Variants in CIC observed in about 807,000 individuals in gnomAD.
CIC encodes the protein capicua transcriptional repressor.
In CIC, 18 loss-of-function variants were observed where a neutral mutation model predicts 115.7. That is an observed-to-expected ratio of 0.16 (90% CI 0.11 to 0.23). The LOEUF is 0.23. Among genes scored for constraint, CIC ranks in the 10% least tolerant of loss-of-function variants. The probability of loss-of-function intolerance (pLI) is 1.00; values close to 1 mark genes in which losing one functional copy is unlikely to be tolerated. For synonymous variants in CIC, 1,076 were observed against 923.0 expected, an observed-to-expected ratio of 1.17 and a Z score of -3.01; for missense variants, 2,000 against 2,159.3, an observed-to-expected ratio of 0.93 and a Z score of 1.46.
At chr19:42,271,689 C>T in intron 1 of CIC, 85 bp from the exon 2 acceptor site, 1 of 397,962 alleles carries the variant, frequency 2.5e-6, no homozygotes, top group Non-Finnish European at 4.4e-6. Flanking sequence ...ACAGTAGACT[C>T]AGCAAGTGGG....
chr19:42,289,530 A>G, intron 9 of CIC, 124 bp downstream of exon 9: 1 of 1,139,900 alleles, frequency 8.8e-7, no homozygotes, highest in Non-Finnish European at 1.3e-6. Context: ...TTATGGTTGC[A>G]TGTGGCCAGT....
intron 9 of CIC, among the ~76,000 whole-genome samples, 158 bp downstream of exon 9, chr19:42,289,564 G>C (rs1378675360): frequency 6.6e-6 from 1 of 152,214 alleles, no homozygotes; most frequent in East Asian, 1.9e-4. Context: ...AGTAAATCCA[G>C]CCCTGCCCTC....
chr19:42,284,731 G>T (rs918165496), intron 2 of CIC: 15 of 1,556,584 alleles, frequency 9.6e-6, no homozygotes, highest in Admixed American at 5.6e-5. Context: ...GGCCCCTGAT[G>T]CCCGCGTCCA....
At chr19:42,285,456 C>T (rs1335069638) in intron 2 of CIC, among the ~76,000 whole-genome samples, 3 of 152,178 alleles carry the variant, frequency 2.0e-5, no homozygotes, top group African/African-American at 7.2e-5. Context: ...CTTGAGTGCT[C>T]TTCAGTGCTG....
chr19:42,290,797 C>T lies in CIC; in HGVS notation c.4756C>T (p.Arg1586Trp), dbSNP rs1194868007. ...CGCCACCATGGTCACCAATGTGGTG[C>T]GGCCTGTCAGCAGCACTCCTGTGCC... ...PAATMVTNVV[R>W]PVSSTPVPIA... is the part of the protein sequence containing the mutation. The change falls in exon 11 of 21, where the codon CGG becomes TGG. Residue 1586 changes from arginine (R) to tryptophan (W), a missense_variant. Physicochemically the swap from Arg to Trp is moderately radical, Grantham distance 101. This residue lies in a region of CIC where 1,466 missense variants were observed against 1,390.4 expected (regional missense o/e 1.05). Coordinates refer to ENST00000681038, the MANE Select transcript of CIC (RefSeq NM_001386298.1). The T allele has an allele frequency of 2.5e-6, 4 of 1,609,742 alleles. No homozygotes were observed. The highest frequency in any genetic ancestry group is 3.4e-6 in the Non-Finnish European group (4 of 1,178,370).
chr19:42,280,665 C>T lies in CIC; in HGVS notation c.2794+6088C>T, dbSNP rs924972195. ...GCGGCCCGCGTGGGTGTCAGGCCGG[C>T]CGGGCACCCGTCCGCCCTCCCTGCA... On this transcript the variant is annotated intron_variant, in intron 2 of 20. Coordinates refer to ENST00000681038, the MANE Select transcript of CIC (RefSeq NM_001386298.1). This position sits in a 1 kb window ranked among gnomAD's most constrained non-coding sequence, Gnocchi z 4.9. Among the ~76,000 whole-genome samples the T allele has an allele frequency of 6.6e-6, 1 of 152,124 alleles. No homozygotes were observed. The highest frequency in any genetic ancestry group is 2.4e-5 in the African/African-American group (1 of 41,434).
chr19:42,273,973 A>C lies in CIC; in HGVS notation c.2190A>C (p.Ala730=). Residue 730 remains alanine (A), a synonymous_variant, in exon 2 of 21, where the codon GCA becomes GCC. Coordinates refer to ENST00000681038, the MANE Select transcript of CIC (RefSeq NM_001386298.1). ...CAGGGGCCTTGGGGGCCCCTGGCGCAGGGGGTGGAGGAGCCGCCCCAGACT... is the reference window on the plus strand; with the variant it reads ...CAGGGGCCTTGGGGGCCCCTGGCGCCGGGGGTGGAGGAGCCGCCCCAGACT... ...PHPGALGAPG[A]GGGGAAPDFP... is the part of the protein sequence containing the mutation. 5.0e-6 allele frequency: 2 copies of C among 398,802 alleles called. No individual in the cohort carries two copies. The highest frequency in any genetic ancestry group is 7.1e-5 in the East Asian group (2 of 28,050). 24.7% of individuals were successfully genotyped at this position (398,802 alleles called of 1,614,324 possible). A position where few individuals can be genotyped will look rare whatever the true frequency, so the allele number is the denominator to read the frequency against.
At position 42,292,606 on chromosome 19, in the gene CIC, G is replaced by T; in HGVS notation, c.5943G>T (p.Val1981=). The T allele has an allele frequency of 6.2e-7, 1 of 1,613,414 alleles. No homozygotes were observed. Among genetic ancestry groups the T allele is most frequent in the African/African-American group, 1.3e-5 (1 of 75,032 alleles). ...APLLAPGQVG[V]SPVPSPQLPP... ...TGCTGGCTCCCGGTCAGGTGGGCGT[G>T]TCACCTGTGCCCAGTCCCCAGCTGC... is the stretch of plus-strand genomic sequence containing the variant. Residue 1981 remains valine, a synonymous_variant, in exon 15 of 21, where the codon GTG becomes GTT. Coordinates refer to ENST00000681038, the MANE Select transcript of CIC (RefSeq NM_001386298.1).
Position 42,294,270 on chromosome 19 carries a change from G to A in CIC, c.7020G>A (p.Lys2340=), listed in dbSNP as rs1334398473. 10 of 1,613,552 alleles carry A rather than the reference G, an allele frequency of 6.2e-6. No individual in the cohort carries two copies. Among genetic ancestry groups the A allele is most frequent in the Non-Finnish European group, 8.5e-6 (10 of 1,180,056 alleles). ...SSEPNTPKSA[K]CEGDIFTFDR... ...AGCCCAACACCCCCAAGAGTGCCAA[G>A]TGCGAGGGGGACATCTTCACCTTTG... Residue 2340 remains lysine, a synonymous_variant, in exon 19 of 21, where the codon AAG becomes AAA. Coordinates refer to ENST00000681038, the MANE Select transcript of CIC (RefSeq NM_001386298.1).
chr19:42,292,565 G>A lies in CIC; in HGVS notation c.5903-1G>A, dbSNP rs2147305513. The A allele has an allele frequency of 6.2e-7, 1 of 1,613,014 alleles. No homozygotes were observed. Among genetic ancestry groups the A allele is most frequent in the Non-Finnish European group, 8.5e-7 (1 of 1,179,856 alleles). On this transcript the variant is annotated splice_acceptor_variant, in intron 14 of 20. Transcript: ENST00000681038. LOFTEE classifies it high-confidence loss of function. The stretch of plus-strand genomic sequence containing the variant: ...CCTGCTTCTTCTTCTCTGTCTTTCA[G>A]CAGGCCAAGCCCCACTGCTGGCTCC...
Position 42,292,853 on chromosome 19 carries a change from G to C in CIC, c.6190G>C (p.Ala2064Pro), listed in dbSNP as rs148703020. ...TPAPTSPFPS[A>P]TAGSMTYSLV... ...AGCCCCGACTAGCCCTTTCCCCAGC[G>C]CCACAGGTAGGTGTCAGATCAACCC... The change falls in exon 15 of 21, where the codon GCC becomes CCC. Residue 2064 changes from alanine (A) to proline (P), a missense_variant. Ala to Pro is a conservative substitution (Grantham distance 27). Around this residue, in one of 8 missense-constraint regions of CIC, gnomAD observed 1,466 missense variants for 1,390.4 expected, o/e 1.05. Coordinates refer to ENST00000681038, the MANE Select transcript of CIC (RefSeq NM_001386298.1). The C allele has an allele frequency of 2.5e-6, 4 of 1,613,754 alleles. No homozygotes were observed. The East Asian group carries it at 6.7e-5, about 27-fold the overall frequency.
chr19:42,292,613 G>C lies in CIC; in HGVS notation c.5950G>C (p.Val1984Leu). 1 of 1,613,430 alleles carries C rather than the reference G, an allele frequency of 6.2e-7. No homozygotes were observed. The highest frequency in any genetic ancestry group is 8.5e-7 in the Non-Finnish European group (1 of 1,179,924). Residue 1984 changes from valine to leucine, a missense_variant, in exon 15 of 21, where the codon GTG (valine) becomes CTG (leucine). Physicochemically the swap from Val to Leu is conservative, Grantham distance 32. This residue lies in a region of CIC where 1,466 missense variants were observed against 1,390.4 expected (regional missense o/e 1.05). Transcript: ENST00000681038. ...LAPGQVGVSP[V>L]PSPQLPPACA... ...TCCCGGTCAGGTGGGCGTGTCACCT[G>C]TGCCCAGTCCCCAGCTGCCGCCTGC...
In CIC at chr19:42,271,958, G is replaced by A. The variant is rs755947345; in HGVS notation, c.175G>A (p.Ala59Thr). The change falls in exon 2 of 21, where the codon GCT becomes ACT. Residue 59 changes from alanine to threonine, a missense_variant. Ala to Thr is a moderately conservative substitution (Grantham distance 58). Around this residue, in one of 8 missense-constraint regions of CIC, gnomAD observed 222 missense variants for 247.7 expected, o/e 0.90. Transcript: ENST00000681038. ...QPQPQSGPEE[A>T]EEGEEEEAER... Reference sequence around the variant, plus strand: ...GCAACCACAGTCCGGGCCCGAAGAGGCTGAGGAAGGGGAGGAGGAGGAGGC... The same window carrying A: ...GCAACCACAGTCCGGGCCCGAAGAGACTGAGGAAGGGGAGGAGGAGGAGGC... 3 of 399,314 alleles carry A rather than the reference G, an allele frequency of 7.5e-6. No homozygotes were observed. The East Asian group carries it at 1.1e-4, about 14-fold the overall frequency. The allele number at this position is 399,314 out of a possible 1,614,324, so 24.7% of individuals were successfully genotyped here. A position where few individuals can be genotyped will look rare whatever the true frequency, so the allele number is the denominator to read the frequency against.
chr19:42,289,082 C>T lies in CIC; in HGVS notation c.3853C>T (p.Leu1285=), dbSNP rs1406086881. The T allele has an allele frequency of 1.9e-6, 3 of 1,613,506 alleles. No individual in the cohort carries two copies. The highest frequency in any genetic ancestry group is 2.5e-6 in the Non-Finnish European group (3 of 1,180,050). ...GEVDSQALQE[L]TQMVSGPASY... The stretch of plus-strand genomic sequence containing the variant: ...AGTAGACAGTCAGGCGCTACAGGAA[C>T]TGACGCAGGTCTAGGGTGCAGGCCC... Residue 1285 remains leucine (L), a synonymous_variant, in exon 8 of 21, where the codon CTG becomes TTG. Transcript: ENST00000681038.
At position 42,292,732 on chromosome 19, in the gene CIC, C is replaced by T. The variant is rs146236945; in HGVS notation, c.6069C>T (p.Ala2023=). The change falls in exon 15 of 21, where the codon GCC becomes GCT. Residue 2023 remains alanine (A), a synonymous_variant. Transcript: ENST00000681038. ...SSAPLAQPSQ[A]PPSLVYTVAT... ...CACCCCTGGCCCAGCCATCCCAGGCCCCCCCAAGCCTGGTCTACACTGTGG... is the reference window on the plus strand; with the variant it reads ...CACCCCTGGCCCAGCCATCCCAGGCTCCCCCAAGCCTGGTCTACACTGTGG... 1.1e-5 allele frequency: 17 copies of T among 1,613,682 alleles called. No individual in the cohort carries two copies. The highest frequency in any genetic ancestry group is 1.4e-5 in the Non-Finnish European group (17 of 1,179,960).
At chr19:42,278,360 G>A (rs1429627870) in intron 2 of CIC, among the ~76,000 whole-genome samples, 4 of 152,216 alleles carry the variant, frequency 2.6e-5, no homozygotes, top group African/African-American at 9.7e-5. Context: ...CTTCTCCTGG[G>A]CCTCTGTCTG....
chr19:42,292,976 T>A lies in CIC; in HGVS notation c.6217T>A (p.Leu2073Ile), dbSNP rs776331727. 22 of 1,613,380 alleles carry A rather than the reference T, an allele frequency of 1.4e-5. No individual in the cohort carries two copies. The highest frequency in any genetic ancestry group is 1.8e-5 in the Non-Finnish European group (21 of 1,179,944). ...SATAGSMTYS[L>I]VAPKAQRPSP... ...ACTAGCAGGTTCCATGACCTACAGC[T>A]TAGTGGCCCCCAAGGCCCAGCGGCC... is the stretch of plus-strand genomic sequence containing the variant. Residue 2073 changes from leucine to isoleucine, a missense_variant, in exon 16 of 21, where the codon TTA becomes ATA. Coordinates refer to ENST00000681038, the MANE Select transcript of CIC (RefSeq NM_001386298.1).
At position 42,289,962 on chromosome 19, in the gene CIC, G is replaced by C; in HGVS notation, c.4191+11G>C. 1 of 1,586,764 alleles carries C rather than the reference G, an allele frequency of 6.3e-7. No individual in the cohort carries two copies. Among genetic ancestry groups the C allele is most frequent in the Non-Finnish European group, 8.6e-7 (1 of 1,163,252 alleles). Reference sequence around the variant, plus strand: ...CCAGAGGGCAACAAGGTGAGGGCTTGGGTCACGGTGCTGTCCCATCACACT... The same window carrying C: ...CCAGAGGGCAACAAGGTGAGGGCTTCGGTCACGGTGCTGTCCCATCACACT... On this transcript the variant is annotated intron_variant, in intron 10 of 20. Transcript: ENST00000681038.
rs1308637891 is a variant in CIC at position 42,289,828 on chromosome 19, T to C, written c.4088-20T>C. On this transcript the variant is annotated intron_variant, in intron 9 of 20. Transcript: ENST00000681038. ...CCTGCATCTAGCCCCCTCCCCATACTGTTCCCTCCACTCCCTCAGCTGACG... is the reference window on the plus strand; with the variant it reads ...CCTGCATCTAGCCCCCTCCCCATACCGTTCCCTCCACTCCCTCAGCTGACG... 6 of 1,566,650 alleles carry C rather than the reference T, an allele frequency of 3.8e-6. No homozygotes were observed. The highest frequency in any genetic ancestry group is 2.7e-5 in the African/African-American group (2 of 74,174).
Sources: allele counts gnomAD v4.1 joint callset (sites outside exome capture counted in the v4.1 genomes callset), GRCh38; gene constraint gnomAD v4.1.1; regional missense constraint gnomAD v4.1.1; non-coding constraint Gnocchi (gnomAD v3.1); transcripts MANE v1.5; gene names NCBI Gene and HGNC (gene_info 2026-07-23, HGNC 2026-07-21).